The following TPM3 variants were observed in gnomAD, a reference collection of about 807,000 sequenced individuals.
The protein encoded by TPM3 is tropomyosin alpha-3 chain.
TPM3 carries 16 observed loss-of-function variants against 43.1 expected under a neutral mutation model. The ratio of observed to expected loss-of-function variants is 0.37; its 90% CI spans 0.25 to 0.56. The LOEUF is 0.56. TPM3 is among the 20% of genes least tolerant of loss of function. The pLI is 0.77. For missense variants in TPM3, 176 were observed against 337.2 expected (o/e 0.52, Z 3.74); for synonymous variants, 101 against 116.9 (o/e 0.86, Z 0.88).
rs575084836 is a variant in TPM3, at chr1:154,190,566, AC to A, written c.243+619del. On this transcript the variant is annotated intron_variant, in intron 2 of 9. Coordinates refer to ENST00000651641, the MANE Select transcript of TPM3 (RefSeq NM_152263.4). ...AGTGAAGTCTGGTGGTGATACCTTTACCCCCTAAGATTCTTTCTTAGTTTCT... is the reference window on the plus strand; with the variant it reads ...AGTGAAGTCTGGTGGTGATACCTTTACCCCTAAGATTCTTTCTTAGTTTCT... 9.5e-4 allele frequency among the ~76,000 whole-genome samples: 144 copies of A among 152,128 alleles called. 1 individual carries two copies. The highest frequency in any genetic ancestry group is 9.3e-3 in the South Asian group (45 of 4,818).
chr1:154,156,915 A>T, downstream of TPM3: 1 of 197,576 alleles, frequency 5.1e-6, no homozygotes, highest in East Asian at 7.9e-5. Context: ...TCCATTCTGT[A>T]AGCAGTTGTG....
intron 3 of TPM3, among the ~76,000 whole-genome samples, chr1:154,174,880 C>A (rs1662120386): frequency 6.6e-6 from 1 of 152,052 alleles, no homozygotes; most frequent in Admixed American, 6.6e-5. Context: ...GTAACGTACC[C>A]TTAGAAAGGC....
intron 2 of TPM3, among the ~76,000 whole-genome samples, chr1:154,190,018 T>C (rs1485952092): frequency 1.3e-5 from 2 of 151,978 alleles, no homozygotes; most frequent in Non-Finnish European, 2.9e-5. Flanking sequence ...CTCGGCTCCA[T>C]GCAGCCTCCG....
At chr1:154,179,209 G>A (rs950521446) in intron 2 of TPM3, among the ~76,000 whole-genome samples, 2 of 152,346 alleles carry the variant, frequency 1.3e-5, no homozygotes, top group East Asian at 1.9e-4. Context: ...GGGAGATACC[G>A]TGTCCTTGGG....
In TPM3 at chr1:154,161,976, A is replaced by G. The variant is rs1437506641; in HGVS notation, c.*5961T>C. Among the ~76,000 whole-genome samples the G allele has an allele frequency of 1.3e-5, 2 of 152,130 alleles. No homozygotes were observed. Among genetic ancestry groups the G allele is most frequent in the Non-Finnish European group, 2.9e-5 (2 of 68,016 alleles). ...AAATTAAGACCAGTACTAGCTCCTTAAAGTTTTTGGTTCCCTGATAATAGC... is the reference window on the plus strand; with the variant it reads ...AAATTAAGACCAGTACTAGCTCCTTGAAGTTTTTGGTTCCCTGATAATAGC... On this transcript the variant is annotated 3_prime_UTR_variant, in exon 10 of 10. Coordinates refer to ENST00000651641, the MANE Select transcript of TPM3 (RefSeq NM_152263.4).
Position 154,171,416 on chromosome 1 carries a change from C to A in TPM3, c.639G>T (p.Glu213Asp). ...NNLKSLEAQA[E>D]KYSQKEDKYE... ...ACTTTCACAAACCAGCCCCTACCTTCTCCGCCTGAGCCTCAAGAGACTTGA... is the reference window on the plus strand; with the variant it reads ...ACTTTCACAAACCAGCCCCTACCTTATCCGCCTGAGCCTCAAGAGACTTGA... The change falls in exon 6 of 10, where the codon GAG becomes GAT. Residue 213 changes from glutamate (E) to aspartate (D), a missense_variant. Around this residue, in one of 4 missense-constraint regions of TPM3, gnomAD observed 53 missense variants for 98.3 expected, o/e 0.54. Transcript: ENST00000651641. 1 of 1,614,198 alleles carries A rather than the reference C, an allele frequency of 6.2e-7. No homozygotes were observed. The highest frequency in any genetic ancestry group is 8.5e-7 in the Non-Finnish European group (1 of 1,179,988).
At chr1:154,169,037 T>C (rs1278732027) in intron 9 of TPM3, among the ~76,000 whole-genome samples, 3 of 152,030 alleles carry the variant, frequency 2.0e-5, no homozygotes, top group African/African-American at 7.2e-5. Context: ...GGTTTCACCA[T>C]GTTGGCCAGG....
Position 154,185,618 on chromosome 1 carries a change from G to A in TPM3, c.243+5568C>T, listed in dbSNP as rs181381799. Among the ~76,000 whole-genome samples the A allele has an allele frequency of 1.7e-4, 26 of 150,712 alleles. No individual in the cohort carries two copies. In the East Asian group the frequency reaches 4.8e-3, roughly 28 times the overall value. ...CCAGCCACTCGGGAGGCTGAGGCAGGAGAATTGCTTGAACCCAGAAGGCAG... is the reference window on the plus strand; with the variant it reads ...CCAGCCACTCGGGAGGCTGAGGCAGAAGAATTGCTTGAACCCAGAAGGCAG... On this transcript the variant is annotated intron_variant, in intron 2 of 9. Transcript: ENST00000651641.
At position 154,174,368 on chromosome 1, in the gene TPM3, GTATATATATATATA is replaced by G. The variant is rs34224787; in HGVS notation, c.378-1181_378-1168del. Among the ~76,000 whole-genome samples, 260 of 46,382 alleles carry G rather than the reference GTATATATATATATA, an allele frequency of 5.6e-3. 18 individuals carry two copies. Among genetic ancestry groups the G allele is most frequent in the Admixed American group, 0.013 (39 of 2,998 alleles). 30.4% of individuals were successfully genotyped at this position (46,382 alleles called of 152,430 possible). On this transcript the variant is annotated intron_variant, in intron 3 of 9. Coordinates refer to ENST00000651641, the MANE Select transcript of TPM3 (RefSeq NM_152263.4). ...AAATAAATATTATTTAAATATATGT[GTATATATATATATA>G]TATATATATATATATATATATATAT...
intron 2 of TPM3, among the ~76,000 whole-genome samples, chr1:154,185,962 G>A (rs1330355002): frequency 6.6e-6 from 1 of 151,500 alleles, no homozygotes; most frequent in African/African-American, 2.5e-5. Context: ...GGAATAGTAG[G>A]CAAGACAGTT....
At chr1:154,168,838 CTTTTT>C (rs745516100) in intron 9 of TPM3, among the ~76,000 whole-genome samples, 1 of 138,524 alleles carries the variant, frequency 7.2e-6, no homozygotes, top group African/African-American at 2.6e-5. Context: ...TAATGTTTTT[CTTTTT>C]TTTTTTTTTT....
In TPM3 at chr1:154,164,655, G is replaced by A. The variant is rs1172790034; in HGVS notation, c.*3282C>T. ...AAAGTGTGGTGTATTCACTGCTATA[G>A]TTACTTTAATGTGATTAGGAAAAAA... On this transcript the variant is annotated 3_prime_UTR_variant, in exon 10 of 10. Coordinates refer to ENST00000651641, the MANE Select transcript of TPM3 (RefSeq NM_152263.4). Among the ~76,000 whole-genome samples the A allele has an allele frequency of 6.6e-6, 1 of 152,132 alleles. No individual in the cohort carries two copies. Among genetic ancestry groups the A allele is most frequent in the Non-Finnish European group, 1.5e-5 (1 of 68,034 alleles).
intron 8 of TPM3, 195 bp downstream of exon 8, chr1:154,170,205 G>A: frequency 1.6e-6 from 1 of 615,768 alleles, no homozygotes; most frequent in Middle Eastern, 4.4e-4. Context: ...CTTCTTAAAG[G>A]AAAAGATTAA....
At chr1:154,175,157 C>T (rs1357550127) in intron 3 of TPM3, among the ~76,000 whole-genome samples, 2 of 151,946 alleles carry the variant, frequency 1.3e-5, no homozygotes, top group African/African-American at 4.8e-5. Flanking sequence ...CGGTGAAACC[C>T]TGTCTCTACT....
At chr1:154,191,817 T>C in intron 1 of TPM3, 85 bp downstream of exon 1, 2 of 1,574,948 alleles carry the variant, frequency 1.3e-6, no homozygotes, top group Non-Finnish European at 1.7e-6. Context: ...GTGACACCAG[T>C]AGTCACTGTC....
At chr1:154,190,513 CAAG>C (rs1442419806) in intron 2 of TPM3, among the ~76,000 whole-genome samples, 3,922 of 152,292 alleles carry the variant, frequency 0.026, 157 homozygotes, top group African/African-American at 0.091. Flanking sequence ...CAGCCCTAGA[CAAG>C]CTGAGTAATT....
Position 154,169,590 on chromosome 1 carries a change from A to G in TPM3, c.776-207T>C, listed in dbSNP as rs1231605205. The G allele has an allele frequency of 4.9e-6, 3 of 610,220 alleles. No homozygotes were observed. The African/African-American group carries it at 5.5e-5, about 11-fold the overall frequency. The allele number at this position is 610,220 out of a possible 1,614,324, so 37.8% of individuals were successfully genotyped here. A position where few individuals can be genotyped will look rare whatever the true frequency, so the allele number is the denominator to read the frequency against. ...ACCAACTTCCTTTCTTGATACTCCA[A>G]ATCGACTGCAGCAAGGGCTGAGAAC... On this transcript the variant is annotated intron_variant, in intron 8 of 9. Transcript: ENST00000651641.
chr1:154,185,762 C>G (rs1447838018), intron 2 of TPM3, among the ~76,000 whole-genome samples: 1 of 151,162 alleles, frequency 6.6e-6, no homozygotes, highest in Non-Finnish European at 1.5e-5. Context: ...ACAGGCACTG[C>G]CATGCAGGAT....
At chr1:154,191,547 CT>C in intron 1 of TPM3, 1 of 1,318,364 alleles carries the variant, frequency 7.6e-7, no homozygotes, top group Non-Finnish European at 1.0e-6. Flanking sequence ...TCCAAGACCC[CT>C]GGATGATAAA....
Sources: allele counts gnomAD v4.1 joint callset (sites outside exome capture counted in the v4.1 genomes callset), GRCh38; gene constraint gnomAD v4.1.1; regional missense constraint gnomAD v4.1.1; transcripts MANE v1.5; gene names NCBI Gene and HGNC (gene_info 2026-07-23, HGNC 2026-07-21).